CCDC9: variants seen among roughly 807,000 people sequenced by gnomAD.
CCDC9 encodes coiled-coil domain-containing protein 9.
In CCDC9, 52 loss-of-function variants were observed where a neutral mutation model predicts 65.6. The ratio of observed to expected loss-of-function variants is 0.79; its 90% CI spans 0.63 to 1.00. CCDC9 has a LOEUF of 1.00. Ranked by LOEUF, CCDC9 falls within the 50% of genes least tolerant of loss-of-function variation. The pLI is 0.00. For missense variants in CCDC9, 834 were observed against 757.2 expected, an observed-to-expected ratio of 1.10 and a Z score of -1.19; for synonymous variants, 332 against 280.3, an observed-to-expected ratio of 1.18 and a Z score of -1.84.
chr19:47,264,747 C>T lies in CCDC9; in HGVS notation c.547-26C>T, dbSNP rs1001227480. 1.9e-6 allele frequency: 3 copies of T among 1,605,270 alleles called. No homozygotes were observed. The Admixed American group carries it at 5.1e-5, about 27-fold the overall frequency. On this transcript the variant is annotated intron_variant, in intron 6 of 11. Transcript: ENST00000221922. ...CTGCCTGGGCTGCGGGGAGCCCGCG[C>T]CAACCCCCTGCTCTGCTGCCTGCAG... is the stretch of plus-strand genomic sequence containing the variant.
At chr19:47,257,182 A>G in intron 1 of CCDC9, among the ~76,000 whole-genome samples, 1 of 145,514 alleles carries the variant, frequency 6.9e-6, no homozygotes, top group African/African-American at 2.6e-5. Context: ...TGGGGAAGCC[A>G]TGGGCGGGGC....
At chr19:47,273,476 C>T (rs2059136712), downstream of CCDC9, 1 of 896,358 alleles carries the variant, frequency 1.1e-6, no homozygotes, top group Non-Finnish European at 1.5e-6. Context: ...CCCGCCGGAC[C>T]GCGGCCTCCG....
intron 7 of CCDC9, 75 bp downstream of exon 7, chr19:47,265,021 T>C (rs2059072003): frequency 1.6e-6 from 2 of 1,260,102 alleles, no homozygotes; most frequent in Non-Finnish European, 2.0e-6. Context: ...ACCAGACAGA[T>C]CAGGGCCATG....
At chr19:47,274,929 A>T, downstream of CCDC9, 1 of 1,323,552 alleles carries the variant, frequency 7.6e-7, no homozygotes, top group Non-Finnish European at 9.5e-7. Flanking sequence ...GATGCGGGGG[A>T]CCAGCTGCGT....
chr19:47,274,830 A>C, downstream of CCDC9: 8 of 853,060 alleles, frequency 9.4e-6, no homozygotes, highest in Non-Finnish European at 9.6e-6. Flanking sequence ...CGGGCGGTTT[A>C]GAGAGCGGGG....
chr19:47,260,613 G>T lies in CCDC9; in HGVS notation c.236G>T (p.Arg79Met). 4.6e-6 allele frequency: 7 copies of T among 1,527,018 alleles called. No individual in the cohort carries two copies. The highest frequency in any genetic ancestry group is 6.1e-6 in the Non-Finnish European group (7 of 1,146,214). The allele number at this position is 1,527,018 out of a possible 1,614,324, so 94.6% of individuals were successfully genotyped here. A position where few individuals can be genotyped will look rare whatever the true frequency, so the allele number is the denominator to read the frequency against. The change falls in exon 5 of 12, where the codon AGG becomes ATG. Residue 79 changes from arginine (R) to methionine (M), a missense_variant. Coordinates refer to ENST00000221922, the MANE Select transcript of CCDC9 (RefSeq NM_015603.3). Reference protein sequence around the residue: ...ESEKNLGPSRRSPGTPRPPGA... With the variant: ...ESEKNLGPSRMSPGTPRPPGA... Reference sequence around the variant, plus strand: ...GAGAAGAACCTGGGTCCTTCCCGGAGGTCTCCTGGGACCCCTCGGCCCCCA... The same window carrying T: ...GAGAAGAACCTGGGTCCTTCCCGGATGTCTCCTGGGACCCCTCGGCCCCCA...
In CCDC9 at chr19:47,271,724, TGTGTGTGTGC is replaced by T. The variant is rs1241041420; in HGVS notation, c.*48_*57del. 45 of 1,266,036 alleles carry T rather than the reference TGTGTGTGTGC, an allele frequency of 3.6e-5. No individual in the cohort carries two copies. The highest frequency in any genetic ancestry group is 2.5e-4 in the African/African-American group (12 of 47,336). The allele number at this position is 1,266,036 out of a possible 1,614,324, so 78.4% of individuals were successfully genotyped here. A position where few individuals can be genotyped will look rare whatever the true frequency, so the allele number is the denominator to read the frequency against. ...GTGTGTGTGTGTGTGTGTGTGTGTG[TGTGTGTGTGC>T]GCGCGCGCGCGCGCGCGCGCGCGCG... On this transcript the variant is annotated 3_prime_UTR_variant, in exon 12 of 12. Transcript: ENST00000221922.
downstream of CCDC9, chr19:47,275,217 C>T: frequency 6.5e-7 from 1 of 1,528,454 alleles, no homozygotes; most frequent in African/African-American, 1.4e-5. Flanking sequence ...CCTGGGAGTC[C>T]CCGGCGGGCC....
downstream of CCDC9, chr19:47,273,385 G>A: frequency 1.1e-5 from 14 of 1,231,864 alleles, no homozygotes; most frequent in Non-Finnish European, 1.4e-5. Context: ...AGGAGACGGC[G>A]GAGATCACCG....
At chr19:47,270,747 T>G in intron 10 of CCDC9, 59 bp downstream of exon 10, 1 of 1,517,564 alleles carries the variant, frequency 6.6e-7, no homozygotes, top group Non-Finnish European at 8.8e-7. Flanking sequence ...GGCGTTCTCT[T>G]CTTTGGCTTG....
chr19:47,268,859 A>G (rs2059098517), intron 8 of CCDC9, among the ~76,000 whole-genome samples: 2 of 150,040 alleles, frequency 1.3e-5, no homozygotes, highest in African/African-American at 2.5e-5. Context: ...TGGAGCTTGC[A>G]GTGAGCCGAG....
rs746173971 is a variant in CCDC9 at position 47,271,689 on chromosome 19, C to CTGTGTGTGTGTGTGTGTGTGTGTG, written c.*32_*55dup. ...TTTGAGAGTGTATGAAGCTGGCTGC[C>CTGTGTGTGTGTGTGTGTGTGTGTG]TGTGTGTGTGTGTGTGTGTGTGTGT... On this transcript the variant is annotated 3_prime_UTR_variant, in exon 12 of 12. Transcript: ENST00000221922. 50 of 1,127,668 alleles carry CTGTGTGTGTGTGTGTGTGTGTGTG rather than the reference C, an allele frequency of 4.4e-5. 1 individual carries two copies. Among genetic ancestry groups the CTGTGTGTGTGTGTGTGTGTGTGTG allele is most frequent in the East Asian group, 3.4e-4 (13 of 38,044 alleles). 69.9% of individuals were successfully genotyped at this position (1,127,668 alleles called of 1,614,324 possible).
chr19:47,269,257 G>C (rs771587630), intron 8 of CCDC9, among the ~76,000 whole-genome samples: 5 of 152,138 alleles, frequency 3.3e-5, no homozygotes, highest in Non-Finnish European at 5.9e-5. Flanking sequence ...GTAATTAAGA[G>C]GTCTAATGTT....
chr19:47,257,199 C>T (rs888328285), intron 1 of CCDC9, among the ~76,000 whole-genome samples: 1 of 146,038 alleles, frequency 6.8e-6, no homozygotes, highest in Non-Finnish European at 1.5e-5. Context: ...GGGCCAGATG[C>T]TGACGCAACG....
At chr19:47,269,416 G>A (rs2059101821) in intron 8 of CCDC9, among the ~76,000 whole-genome samples, 1 of 151,818 alleles carries the variant, frequency 6.6e-6, no homozygotes, top group South Asian at 2.1e-4. Context: ...GTGCAGTGGT[G>A]TGATTTCAGC....
downstream of CCDC9, chr19:47,274,964 A>G (rs10407367): frequency 7.2e-7 from 1 of 1,386,716 alleles, no homozygotes; most frequent in Non-Finnish European, 9.3e-7. Flanking sequence ...AGAGCCCCGG[A>G]GGCGCGGGGC....
At chr19:47,260,497 C>G (rs1405845861) in intron 4 of CCDC9, 75 bp downstream of exon 4, 2 of 1,603,174 alleles carry the variant, frequency 1.2e-6, no homozygotes, top group African/African-American at 2.7e-5. Context: ...CCCAGGAGCC[C>G]CCAGCTGTCC....
At chr19:47,274,252 C>T (rs573565967), downstream of CCDC9, among the ~76,000 whole-genome samples, 1 of 142,390 alleles carries the variant, frequency 7.0e-6, no homozygotes, top group African/African-American at 2.6e-5. Flanking sequence ...GCGGGTCCCG[C>T]GGGGGCGGAG....
chr19:47,267,882 C>G (rs1453836085), intron 8 of CCDC9, among the ~76,000 whole-genome samples: 1 of 151,864 alleles, frequency 6.6e-6, no homozygotes, highest in Non-Finnish European at 1.5e-5. Flanking sequence ...GAGTCTCGCA[C>G]TGTTGCCGGG....
Sources: gnomAD v4.1 joint callset for allele counts (sites outside exome capture counted in the v4.1 genomes callset) on GRCh38, gnomAD v4.1.1 for gene constraint, MANE v1.5 for transcripts, NCBI Gene and HGNC (gene_info 2026-07-23, HGNC 2026-07-21) for gene names.